Variants in GSE1 observed in about 807,000 individuals in gnomAD.
GSE1 encodes Gse1 coiled-coil protein.
In GSE1, 32 loss-of-function variants were observed where a neutral mutation model predicts 112.6. The observed-to-expected ratio is 0.28, with a 90% confidence interval of 0.21 to 0.38. The LOEUF (loss-of-function observed/expected upper bound fraction) is 0.38. Among genes scored for constraint, GSE1 ranks in the 10% least tolerant of loss-of-function variants. GSE1 has a pLI of 1.00. For synonymous variants in GSE1, 1,115 were observed against 735.6 expected (o/e 1.52, Z -8.35); for missense variants, 2,348 against 1,699.2 (o/e 1.38, Z -6.71).
intron 1 of GSE1, among the ~76,000 whole-genome samples, chr16:85,585,831 C>T (rs1235202008): frequency 1.3e-5 from 2 of 152,242 alleles, no homozygotes; most frequent in African/African-American, 2.4e-5. Context: ...CTGCAGGGTG[C>T]GACTTGGGAC....
intron 1 of GSE1, among the ~76,000 whole-genome samples, chr16:85,629,308 C>T (rs1266946881): frequency 1.3e-5 from 2 of 152,232 alleles, no homozygotes; most frequent in Non-Finnish European, 2.9e-5. Flanking sequence ...GGTCATAGCA[C>T]ATCTGCCCGG....
At chr16:85,671,597 G>C (rs998862549) in intron 15 of GSE1, among the ~76,000 whole-genome samples, 9 of 152,174 alleles carry the variant, frequency 5.9e-5, no homozygotes, top group African/African-American at 2.2e-4. Context: ...CTGGTTGACA[G>C]AGCAAGACCA....
chr16:85,183,937 C>T (rs115325423), intron 1 of GSE1, among the ~76,000 whole-genome samples: 2 of 152,176 alleles, frequency 1.3e-5, no homozygotes, highest in Admixed American at 6.5e-5. Context: ...AAGCTGTTGA[C>T]GTGTTCTGCA....
chr16:85,623,275 C>T (rs1387027043), intron 1 of GSE1, among the ~76,000 whole-genome samples: 4 of 150,266 alleles, frequency 2.7e-5, no homozygotes, highest in Admixed American at 6.6e-5. Flanking sequence ...AGTGCAGTCG[C>T]GCAATCACAA....
At chr16:85,407,932 C>G (rs1384157189) in intron 2 of GSE1, among the ~76,000 whole-genome samples, 22 of 43,068 alleles carry the variant, frequency 5.1e-4, no homozygotes, top group African/African-American at 1.9e-3. Context: ...TACTCTCAGG[C>G]CCCCCTGGAT....
intron 1 of GSE1, among the ~76,000 whole-genome samples, chr16:85,190,075 G>T (rs2074790720): frequency 6.6e-6 from 1 of 152,136 alleles, no homozygotes; most frequent in Non-Finnish European, 1.5e-5. Context: ...AAAACACCGG[G>T]ACTGTTCCAA....
intron 1 of GSE1, among the ~76,000 whole-genome samples, chr16:85,235,466 G>GTGTA (rs1904515406): frequency 6.7e-6 from 1 of 148,926 alleles, no homozygotes; most frequent in Non-Finnish European, 1.5e-5. Flanking sequence ...GTGTGTGTGT[G>GTGTA]TGTGTAGGGG....
chr16:85,647,260 C>G (rs1317303348), intron 2 of GSE1, among the ~76,000 whole-genome samples: 2 of 152,174 alleles, frequency 1.3e-5, no homozygotes, highest in Non-Finnish European at 2.9e-5. Flanking sequence ...GCCCTGCACC[C>G]TCCCCCTGCT....
At chr16:85,293,267 C>T (rs1029849597) in intron 1 of GSE1, among the ~76,000 whole-genome samples, 3 of 152,198 alleles carry the variant, frequency 2.0e-5, no homozygotes, top group Non-Finnish European at 2.9e-5. Context: ...GTGGCTTGGC[C>T]TGGCACGGTG....
intron 1 of GSE1, among the ~76,000 whole-genome samples, chr16:85,557,553 C>T (rs1487712391): frequency 6.7e-6 from 1 of 150,112 alleles, no homozygotes; most frequent in Non-Finnish European, 1.5e-5. Flanking sequence ...GCACGTGGCC[C>T]GGTGTTCGGT....
At chr16:85,429,528 G>T (rs1487121476) in intron 2 of GSE1, among the ~76,000 whole-genome samples, 1 of 152,192 alleles carries the variant, frequency 6.6e-6, no homozygotes, top group Non-Finnish European at 1.5e-5. Context: ...ACCTTCCTGT[G>T]GCTCCCATGT....
At chr16:85,543,210 CA>C (rs527634392) in intron 2 of GSE1, among the ~76,000 whole-genome samples, 4,253 of 68,650 alleles carry the variant, frequency 0.062, 78 homozygotes, top group Admixed American at 0.11. Context: ...GACTCCATCT[CA>C]AAAAAAAAAA....
In GSE1 at chr16:85,472,672, C is replaced by G. The variant is rs543520237; in HGVS notation, c.2464+115029C>G. Among the ~76,000 whole-genome samples, 70 of 152,356 alleles carry G rather than the reference C, an allele frequency of 4.6e-4. 2 individuals are homozygous for G. The South Asian group carries it at 0.014, about 31-fold the overall frequency. ...GTCTGGCCTCCCCCTGTTGGAGCCCCAGGCCTTGCTCAGTCTGACCCTGCT... is the reference window on the plus strand; with the variant it reads ...GTCTGGCCTCCCCCTGTTGGAGCCCGAGGCCTTGCTCAGTCTGACCCTGCT... On this transcript the variant is annotated intron_variant, in intron 2 of 2. Transcript: ENST00000637419.
chr16:85,434,333 A>ATCATCATC (rs1567483786), intron 2 of GSE1, among the ~76,000 whole-genome samples: 145 of 110,118 alleles, frequency 1.3e-3, no homozygotes, highest in Middle Eastern at 0.011. Context: ...TAATAATAAT[A>ATCATCATC]ATAATAATAA....
intron 2 of GSE1, among the ~76,000 whole-genome samples, chr16:85,645,378 C>CG (rs2050769207): frequency 6.6e-6 from 1 of 152,032 alleles, no homozygotes; most frequent in Admixed American, 6.6e-5. Context: ...TCTGGCTAGA[C>CG]GGAGTGTCTG....
At chr16:85,573,714 G>A (rs1359742462) in intron 1 of GSE1, among the ~76,000 whole-genome samples, 1 of 152,186 alleles carries the variant, frequency 6.6e-6, no homozygotes. Flanking sequence ...GCGTCCGGAG[G>A]GGGAGCCGGC....
intron 1 of GSE1, among the ~76,000 whole-genome samples, chr16:85,250,144 C>T (rs1489359024): frequency 1.3e-5 from 2 of 152,226 alleles, no homozygotes; most frequent in Non-Finnish European, 2.9e-5. Context: ...AACTTGAGGC[C>T]AGGCCGAGCC....
intron 1 of GSE1, among the ~76,000 whole-genome samples, chr16:85,344,160 A>G (rs1179130596): frequency 2.0e-5 from 3 of 152,084 alleles, no homozygotes; most frequent in Non-Finnish European, 2.9e-5. Context: ...ATGTGGCACT[A>G]ATGGACATGG....
At chr16:85,280,142 C>T (rs2044814525) in intron 1 of GSE1, among the ~76,000 whole-genome samples, 1 of 152,218 alleles carries the variant, frequency 6.6e-6, no homozygotes, top group African/African-American at 2.4e-5. Context: ...GCAGATGGAA[C>T]TGGCCCTTGG....
Sources: gnomAD v4.1 joint callset for allele counts (sites outside exome capture counted in the v4.1 genomes callset) on GRCh38, gnomAD v4.1.1 for gene constraint, MANE v1.5 for transcripts, NCBI Gene and HGNC (gene_info 2026-07-23, HGNC 2026-07-21) for gene names.